ACTR10: variants seen among roughly 807,000 people sequenced by gnomAD.
The protein encoded by ACTR10 is actin-related protein 10.
A neutral mutation model predicts 56.2 loss-of-function variants in ACTR10; 43 were observed. The ratio of observed to expected loss-of-function variants is 0.77; its 90% CI spans 0.60 to 0.99. The LOEUF (loss-of-function observed/expected upper bound fraction) is 0.99. Among genes scored for constraint, ACTR10 ranks in the 50% least tolerant of loss-of-function variants. The pLI is 0.00. For synonymous variants in ACTR10, 170 were observed against 176.3 expected (o/e 0.96, Z 0.28); for missense variants, 466 against 507.8 (o/e 0.92, Z 0.79).
rs1356002004 is a variant in ACTR10 at position 58,226,429 on chromosome 14, A to T, written c.788+2573A>T. Among the ~76,000 whole-genome samples the T allele has an allele frequency of 9.1e-5, 7 of 76,766 alleles. No individual in the cohort carries two copies. In the South Asian group the frequency reaches 2.0e-3, roughly 21 times the overall value. 50.4% of individuals were successfully genotyped at this position (76,766 alleles called of 152,430 possible). A position where few individuals can be genotyped will look rare whatever the true frequency, so the allele number is the denominator to read the frequency against. ...TGGGCTCCCCATCTCTATTTTCTTTAAAAAAAAAAAAAAAAAAGGAAATTC... is the reference window on the plus strand; with the variant it reads ...TGGGCTCCCCATCTCTATTTTCTTTTAAAAAAAAAAAAAAAAAGGAAATTC... On this transcript the variant is annotated intron_variant, in intron 10 of 12. Coordinates refer to ENST00000254286, the MANE Select transcript of ACTR10 (RefSeq NM_018477.3).
In ACTR10 at chr14:58,235,484, C is replaced by G. The variant is rs761493732; in HGVS notation, c.*933C>G. On this transcript the variant is annotated 3_prime_UTR_variant, in exon 13 of 13. Transcript: ENST00000254286. ...GATACTTCATTTTTATATAAGGTTACAACTGCTTTATAAAAATGTATTCAC... is the reference window on the plus strand; with the variant it reads ...GATACTTCATTTTTATATAAGGTTAGAACTGCTTTATAAAAATGTATTCAC... The G allele has an allele frequency of 9.9e-5, 15 of 152,106 alleles. No individual in the cohort carries two copies. The highest frequency in any genetic ancestry group is 2.1e-4 in the Non-Finnish European group (14 of 68,018). 9.4% of individuals were successfully genotyped at this position (152,106 alleles called of 1,614,324 possible).
chr14:58,220,997 G>T (rs1454748423), intron 8 of ACTR10, among the ~76,000 whole-genome samples: 1 of 152,036 alleles, frequency 6.6e-6, no homozygotes, highest in African/African-American at 2.4e-5. Flanking sequence ...AAACAAATAT[G>T]CAGGGGCTGG....
At position 58,200,154 on chromosome 14, in the gene ACTR10, G is replaced by T; in HGVS notation, c.-64G>T. On this transcript the variant is annotated 5_prime_UTR_variant, in exon 1 of 13. Coordinates refer to ENST00000254286, the MANE Select transcript of ACTR10 (RefSeq NM_018477.3). ...AGCGCCGGAGCCCCGGCCCCGCCCC[G>T]CGAGCGCCGAGACTTGTTGGCCGCG... 1 of 1,263,312 alleles carries T rather than the reference G, an allele frequency of 7.9e-7. No individual in the cohort carries two copies. 78.3% of individuals were successfully genotyped at this position (1,263,312 alleles called of 1,614,324 possible).
chr14:58,232,349 A>C, intron 12 of ACTR10, 82 bp downstream of exon 12: 1 of 1,049,740 alleles, frequency 9.5e-7, no homozygotes, highest in Non-Finnish European at 1.4e-6. Context: ...ATTAGAATAA[A>C]TAATTCAGGG....
At chr14:58,204,772 A>G (rs1188879665) in intron 2 of ACTR10, among the ~76,000 whole-genome samples, 1 of 152,188 alleles carries the variant, frequency 6.6e-6, no homozygotes, top group Non-Finnish European at 1.5e-5. Context: ...AAGCATATCT[A>G]CCTGTGTGAT....
chr14:58,228,732 T>G (rs1889462611), intron 10 of ACTR10, among the ~76,000 whole-genome samples: 2 of 119,394 alleles, frequency 1.7e-5, no homozygotes, highest in African/African-American at 3.1e-5. Flanking sequence ...AGAGATGAGG[T>G]CTCACTGTGC....
chr14:58,210,472 G>A lies in ACTR10; in HGVS notation c.343-820G>A, dbSNP rs1209543128. 2.0e-5 allele frequency among the ~76,000 whole-genome samples: 3 copies of A among 151,590 alleles called. No individual in the cohort carries two copies. In the East Asian group the frequency reaches 5.8e-4, roughly 29 times the overall value. On this transcript the variant is annotated intron_variant, in intron 4 of 12. Coordinates refer to ENST00000254286, the MANE Select transcript of ACTR10 (RefSeq NM_018477.3). ...GATTGCACCACTGCAATCCAGCCTG[G>A]GCAATGGAGCAAGACTTTGTCTCTA...
At chr14:58,219,351 T>G (rs182007406) in intron 7 of ACTR10, among the ~76,000 whole-genome samples, 21 of 152,324 alleles carry the variant, frequency 1.4e-4, no homozygotes, top group Admixed American at 1.4e-3. Context: ...TTCTCAGTTG[T>G]TTTTTAAATG....
chr14:58,232,185 A>G lies in ACTR10; in HGVS notation c.990A>G (p.Pro330=). The stretch of plus-strand genomic sequence containing the variant: ...AAATAAGGTATTTGGTAGAAAAACC[A>G]AAATATAAAAAAGCACTTGGCACTA... ...LAEIRYLVEK[P]KYKKALGTKT... is the part of the protein sequence containing the mutation. Residue 330 remains proline (P), a synonymous_variant, in exon 12 of 13, where the codon CCA becomes CCG. Transcript: ENST00000254286. 1.2e-6 allele frequency: 2 copies of G among 1,613,930 alleles called. No individual in the cohort carries two copies. The highest frequency in any genetic ancestry group is 1.7e-5 in the Admixed American group (1 of 59,996).
chr14:58,206,244 C>G (rs1888860117), intron 2 of ACTR10, among the ~76,000 whole-genome samples: 1 of 151,378 alleles, frequency 6.6e-6, no homozygotes, highest in African/African-American at 2.4e-5. Context: ...ATCATGATCT[C>G]TGCTCACTGC....
At chr14:58,231,959 T>C (rs1889546484) in intron 11 of ACTR10, 107 bp from the exon 12 acceptor site, 2 of 571,386 alleles carry the variant, frequency 3.5e-6, no homozygotes, top group Non-Finnish European at 5.4e-6. Flanking sequence ...TGTAGTATAA[T>C]AATAATATGT....
intron 10 of ACTR10, among the ~76,000 whole-genome samples, chr14:58,226,931 C>G (rs1307268830): frequency 2.6e-5 from 4 of 152,010 alleles, no homozygotes; most frequent in Admixed American, 6.6e-5. Context: ...AGGTATAGTT[C>G]CATTGAAACC....
intron 8 of ACTR10, 22 bp from the exon 9 acceptor site, chr14:58,223,600 G>A: frequency 6.3e-7 from 1 of 1,590,020 alleles, no homozygotes. Flanking sequence ...GCCATAATAA[G>A]GTCTCCTTTT....
intron 10 of ACTR10, among the ~76,000 whole-genome samples, chr14:58,225,917 G>C (rs1164311326): frequency 1.3e-5 from 2 of 152,058 alleles, no homozygotes; most frequent in Non-Finnish European, 2.9e-5. Flanking sequence ...TCACCATGTT[G>C]GCAAGGCTGG....
intron 11 of ACTR10, 36 bp from the exon 12 acceptor site, chr14:58,232,030 C>A: frequency 6.9e-7 from 1 of 1,444,304 alleles, no homozygotes; most frequent in South Asian, 1.2e-5. Context: ...TTGTACAGTT[C>A]AGAATAAATC....
At chr14:58,207,292 C>T (rs928917330) in intron 2 of ACTR10, 9 of 153,116 alleles carry the variant, frequency 5.9e-5, no homozygotes, top group South Asian at 2.0e-4. Context: ...CCACCTGCCT[C>T]GGCCTCCCAA....
chr14:58,224,985 A>G (rs758781310), intron 10 of ACTR10, among the ~76,000 whole-genome samples: 25 of 148,912 alleles, frequency 1.7e-4, no homozygotes, highest in Middle Eastern at 3.4e-3. Context: ...GCAAAACTCC[A>G]TCTCAAAAAA....
At position 58,232,414 on chromosome 14, in the gene ACTR10, T is replaced by C. The variant is rs989842536; in HGVS notation, c.1072+147T>C. 79 of 550,492 alleles carry C rather than the reference T, an allele frequency of 1.4e-4. 1 individual carries two copies. The South Asian group carries it at 1.8e-3, about 13-fold the overall frequency. The allele number at this position is 550,492 out of a possible 1,614,324, so 34.1% of individuals were successfully genotyped here. Reference sequence around the variant, plus strand: ...TAACACTGACTTTTTCTTTTTTTTTTTTTTTTTTTTTTTTTTTGAGACGGA... The same window carrying C: ...TAACACTGACTTTTTCTTTTTTTTTCTTTTTTTTTTTTTTTTTGAGACGGA... On this transcript the variant is annotated intron_variant, in intron 12 of 12. Coordinates refer to ENST00000254286, the MANE Select transcript of ACTR10 (RefSeq NM_018477.3).
chr14:58,226,302 T>C (rs1455854456), intron 10 of ACTR10, among the ~76,000 whole-genome samples: 1 of 151,544 alleles, frequency 6.6e-6, no homozygotes, highest in Non-Finnish European at 1.5e-5. Context: ...TTTGTAGAGA[T>C]AGAGTCTCAC....
Sources: allele counts gnomAD v4.1 joint callset (sites outside exome capture counted in the v4.1 genomes callset), GRCh38; gene constraint gnomAD v4.1.1; transcripts MANE v1.5; gene names NCBI Gene and HGNC (gene_info 2026-07-23, HGNC 2026-07-21).